Variants in GALNT10 observed in about 807,000 individuals in gnomAD.
GALNT10 encodes GalNAc transferase 10.
GALNT10 carries 41 observed loss-of-function variants against 75.0 expected under a neutral mutation model. The ratio of observed to expected loss-of-function variants is 0.55; its 90% CI spans 0.43 to 0.71. GALNT10 has a LOEUF of 0.71. GALNT10 is among the 30% of genes least tolerant of loss of function. The pLI, the probability that GALNT10 is intolerant of heterozygous loss-of-function variation, is 0.00. For synonymous variants in GALNT10, 302 were observed against 313.0 expected (o/e 0.96, Z 0.37); for missense variants, 727 against 818.5 (o/e 0.89, Z 1.36).
In GALNT10 at chr5:154,272,137, G is replaced by A. The variant is rs528702611; in HGVS notation, c.160-22679G>A. On this transcript the variant is annotated intron_variant, in intron 1 of 11. Coordinates refer to ENST00000297107, the MANE Select transcript of GALNT10 (RefSeq NM_198321.4). ...GGCCCCTCTGTTAGTGTTCCTACCC[G>A]CCCTGGCCTCCAGGGCTGCCTCCCT... Among the ~76,000 whole-genome samples the A allele has an allele frequency of 3.1e-4, 47 of 152,160 alleles. 1 individual carries two copies. The South Asian group carries it at 9.5e-3, about 31-fold the overall frequency.
At chr5:154,373,735 G>A (rs139282117) in intron 4 of GALNT10, among the ~76,000 whole-genome samples, 27 of 152,248 alleles carry the variant, frequency 1.8e-4, no homozygotes, top group African/African-American at 5.3e-4. Flanking sequence ...GCAACGGCCC[G>A]ATTTTGTGTA....
intron 1 of GALNT10, among the ~76,000 whole-genome samples, chr5:154,271,133 C>T (rs113948033): frequency 2.0e-5 from 3 of 151,988 alleles, no homozygotes; most frequent in Non-Finnish European, 4.4e-5. Flanking sequence ...ATATTTGAGT[C>T]CTGTAAATGA....
intron 4 of GALNT10, among the ~76,000 whole-genome samples, chr5:154,350,977 C>T (rs1581987447): frequency 6.6e-6 from 1 of 152,184 alleles, no homozygotes; most frequent in Non-Finnish European, 1.5e-5. Context: ...TGGCTGAGAA[C>T]TTGCATTTCT....
intron 4 of GALNT10, chr5:154,347,193 A>G (rs759877419): frequency 1.0e-5 from 5 of 495,472 alleles, no homozygotes; most frequent in South Asian, 3.1e-5. Context: ...CTGATATACA[A>G]CAGTGCCAAC....
intron 1 of GALNT10, among the ~76,000 whole-genome samples, chr5:154,226,830 CTCCCTCCTG>C (rs1753070537): frequency 6.6e-6 from 1 of 152,148 alleles, no homozygotes; most frequent in Admixed American, 6.5e-5. Flanking sequence ...TTTGTAACCT[CTCCCTCCTG>C]TCCCTCCTGC....
chr5:154,321,775 C>T (rs17115924), intron 3 of GALNT10, among the ~76,000 whole-genome samples: 110,816 of 151,972 alleles, frequency 0.73, 40,844 homozygotes, highest in Admixed American at 0.83. Flanking sequence ...TGGTGAGAGC[C>T]GAAGTGTCTG....
intron 8 of GALNT10, among the ~76,000 whole-genome samples, chr5:154,408,798 T>C (rs750672913): frequency 3.9e-5 from 6 of 152,098 alleles, no homozygotes; most frequent in Non-Finnish European, 7.4e-5. Flanking sequence ...AAACTCTCAG[T>C]TGAAAATGAC....
chr5:154,313,170 G>A (rs368220248), intron 3 of GALNT10, among the ~76,000 whole-genome samples: 5 of 152,136 alleles, frequency 3.3e-5, no homozygotes, highest in East Asian at 3.9e-4. Flanking sequence ...TTAGCCGGGC[G>A]TGATGGTGAG....
intron 1 of GALNT10, among the ~76,000 whole-genome samples, chr5:154,203,940 T>G (rs1225131065): frequency 6.6e-6 from 1 of 152,246 alleles, no homozygotes; most frequent in Non-Finnish European, 1.5e-5. Flanking sequence ...CTTTGTAGTG[T>G]GAGGGTAGCC....
chr5:154,238,902 T>C (rs1324182334), intron 1 of GALNT10, among the ~76,000 whole-genome samples: 1 of 152,232 alleles, frequency 6.6e-6, no homozygotes. Flanking sequence ...GCAAACTTTG[T>C]ATTTGATTCG....
At chr5:154,224,712 A>G (rs1013647457) in intron 1 of GALNT10, among the ~76,000 whole-genome samples, 1 of 151,502 alleles carries the variant, frequency 6.6e-6, no homozygotes, top group Non-Finnish European at 1.5e-5. Flanking sequence ...TGTGCCAGAC[A>G]TTGTGGTAGA....
Position 154,386,314 on chromosome 5 carries a change from T to C in GALNT10, c.940T>C (p.Ser314Pro). 1 of 1,611,078 alleles carries C rather than the reference T, an allele frequency of 6.2e-7. No individual in the cohort carries two copies. Among genetic ancestry groups the C allele is most frequent in the Non-Finnish European group, 8.5e-7 (1 of 1,177,558 alleles). Reference sequence around the variant, plus strand: ...CACCATGTTCTTCTTCTCTGACAGGTCTCCCGTGATGGCCGGTGGACTGTT... The same window carrying C: ...CACCATGTTCTTCTTCTCTGACAGGCCTCCCGTGATGGCCGGTGGACTGTT... Reference protein sequence around the residue: ...QKADPSDPFESPVMAGGLFAV... With the variant: ...QKADPSDPFEPPVMAGGLFAV... Residue 314 changes from serine (S) to proline (P), a missense_variant and splice_region_variant, in exon 7 of 12, where the codon TCT becomes CCT. By Grantham distance (74) the Ser-to-Pro change is moderately conservative. Coordinates refer to ENST00000297107, the MANE Select transcript of GALNT10 (RefSeq NM_198321.4).
intron 1 of GALNT10, among the ~76,000 whole-genome samples, chr5:154,291,707 A>C (rs898902861): frequency 6.6e-6 from 1 of 152,158 alleles, no homozygotes; most frequent in Non-Finnish European, 1.5e-5. Context: ...CATGGAACAA[A>C]ATAACTTCTC....
intron 4 of GALNT10, among the ~76,000 whole-genome samples, chr5:154,368,348 T>C (rs1435401547): frequency 1.3e-5 from 2 of 152,202 alleles, no homozygotes; most frequent in Non-Finnish European, 2.9e-5. Flanking sequence ...TTCAGTCGGC[T>C]CTCTGCTTTC....
chr5:154,220,806 G>A (rs1752965868), intron 1 of GALNT10, among the ~76,000 whole-genome samples: 1 of 152,164 alleles, frequency 6.6e-6, no homozygotes, highest in African/African-American at 2.4e-5. Context: ...AACACAAATG[G>A]CCACAGGACC....
chr5:154,196,724 C>A (rs765528247), intron 1 of GALNT10, among the ~76,000 whole-genome samples: 4 of 152,130 alleles, frequency 2.6e-5, no homozygotes, highest in Admixed American at 2.0e-4. Flanking sequence ...TAGGTCTTAC[C>A]GGTCTACTTT....
chr5:154,316,950 C>T (rs1342922765), intron 3 of GALNT10, among the ~76,000 whole-genome samples: 1 of 152,176 alleles, frequency 6.6e-6, no homozygotes, highest in Non-Finnish European at 1.5e-5. Context: ...GTGAGTTGTC[C>T]TCCACATTTA....
At chr5:154,303,170 C>G (rs1754385292) in intron 3 of GALNT10, among the ~76,000 whole-genome samples, 1 of 152,172 alleles carries the variant, frequency 6.6e-6, no homozygotes. Context: ...CACTGGACAT[C>G]AGGCAGTGAA....
At chr5:154,285,928 T>C (rs1391195119) in intron 1 of GALNT10, among the ~76,000 whole-genome samples, 1 of 152,208 alleles carries the variant, frequency 6.6e-6, no homozygotes, top group Non-Finnish European at 1.5e-5. Flanking sequence ...TCATGTTTGC[T>C]CAGCCACAGA....
Sources: gnomAD v4.1 joint callset for allele counts (sites outside exome capture counted in the v4.1 genomes callset) on GRCh38, gnomAD v4.1.1 for gene constraint, MANE v1.5 for transcripts, NCBI Gene and HGNC (gene_info 2026-07-23, HGNC 2026-07-21) for gene names.